The following RGS7 variants were observed in gnomAD, a reference collection of about 807,000 sequenced individuals.
RGS7 encodes the protein regulator of G-protein signaling 7.
RGS7 carries 27 observed loss-of-function variants against 81.1 expected under a neutral mutation model. The ratio of observed to expected loss-of-function variants is 0.33; its 90% CI spans 0.25 to 0.46. The LOEUF (loss-of-function observed/expected upper bound fraction) is 0.46, where lower values mean the gene tolerates loss of function less well. Ranked by LOEUF, RGS7 falls within the 20% of genes least tolerant of loss-of-function variation. The pLI, the probability that RGS7 is intolerant of heterozygous loss-of-function variation, is 1.00. For missense variants in RGS7, 396 were observed against 607.4 expected, an observed-to-expected ratio of 0.65 and a Z score of 3.66; for synonymous variants, 208 against 207.7, an observed-to-expected ratio of 1.00 and a Z score of -0.01.
intron 4 of RGS7, among the ~76,000 whole-genome samples, chr1:240,962,681 C>T (rs1681665195): frequency 6.6e-6 from 1 of 152,098 alleles, no homozygotes. Context: ...ATCTTGGGAG[C>T]TCAGGGAGAT....
At chr1:241,216,084 A>G (rs2074535655) in intron 2 of RGS7, among the ~76,000 whole-genome samples, 1 of 152,042 alleles carries the variant, frequency 6.6e-6, no homozygotes, top group Admixed American at 6.5e-5. Context: ...ATCCTGGCCA[A>G]TATGGTGAAA....
intron 6 of RGS7, among the ~76,000 whole-genome samples, chr1:240,905,190 TA>T (rs933450079): frequency 3.9e-5 from 6 of 152,144 alleles, no homozygotes; most frequent in Non-Finnish European, 7.4e-5. Flanking sequence ...GTGCTTGCCA[TA>T]TTTTTTTAGG....
At chr1:241,293,883 C>T (rs1174693053) in intron 2 of RGS7, among the ~76,000 whole-genome samples, 1 of 152,108 alleles carries the variant, frequency 6.6e-6, no homozygotes, top group Non-Finnish European at 1.5e-5. Flanking sequence ...GACAGTGTGG[C>T]GATTCCTCAA....
At chr1:241,225,115 T>C (rs1407357214) in intron 2 of RGS7, among the ~76,000 whole-genome samples, 1 of 152,216 alleles carries the variant, frequency 6.6e-6, no homozygotes, top group African/African-American at 2.4e-5. Flanking sequence ...GTGGACATTG[T>C]ATCCGTTAAG....
At position 240,873,473 on chromosome 1, in the gene RGS7, C is replaced by T. The variant is rs539808582; in HGVS notation, c.386-3354G>A. ...TAAGTGGGAGAAAGTTTGGGCAGGC[C>T]TGAAGTGCTACTCTGGCTAAGAAAG... On this transcript the variant is annotated intron_variant, in intron 6 of 18. Transcript: ENST00000440928. 2.6e-5 allele frequency among the ~76,000 whole-genome samples: 4 copies of T among 152,124 alleles called. No individual in the cohort carries two copies. The South Asian group carries it at 8.3e-4, about 32-fold the overall frequency.
At chr1:241,354,476 C>T (rs555359811) in intron 2 of RGS7, among the ~76,000 whole-genome samples, 1 of 152,270 alleles carries the variant, frequency 6.6e-6, no homozygotes, top group South Asian at 2.1e-4. Flanking sequence ...GTACTGTTCG[C>T]CCAGGCTAGA....
At chr1:241,070,362 G>C (rs1385489816) in intron 3 of RGS7, among the ~76,000 whole-genome samples, 1 of 148,826 alleles carries the variant, frequency 6.7e-6, no homozygotes, top group Non-Finnish European at 1.5e-5. Context: ...GAAGTCATTC[G>C]ATTATGCTAA....
intron 2 of RGS7, among the ~76,000 whole-genome samples, chr1:241,281,930 T>C (rs2078537982): frequency 1.3e-5 from 2 of 152,358 alleles, no homozygotes; most frequent in Middle Eastern, 6.8e-3. Context: ...CAACTACTTA[T>C]GTTATCAGTA....
At chr1:241,136,450 G>C (rs1285803100) in intron 2 of RGS7, among the ~76,000 whole-genome samples, 3 of 152,148 alleles carry the variant, frequency 2.0e-5, no homozygotes, top group Non-Finnish European at 4.4e-5. Flanking sequence ...GGAGATAAGG[G>C]GGGGGATGTT....
chr1:240,975,370 C>T lies in RGS7; in HGVS notation c.226+7709G>A, dbSNP rs138049605. Among the ~76,000 whole-genome samples the T allele has an allele frequency of 8.5e-4, 129 of 152,206 alleles. 1 individual carries two copies. Among genetic ancestry groups the T allele is most frequent in the African/African-American group, 2.8e-3 (115 of 41,558 alleles). The stretch of plus-strand genomic sequence containing the variant: ...CAAGCCAAGATCATGCCACTTCACT[C>T]CAGCCTGGGCAACAGAGCAAGACTT... On this transcript the variant is annotated intron_variant, in intron 4 of 18. Coordinates refer to ENST00000440928, the MANE Select transcript of RGS7 (RefSeq NM_001364886.1).
intron 6 of RGS7, among the ~76,000 whole-genome samples, chr1:240,925,089 G>T (rs1013876795): frequency 6.6e-6 from 1 of 151,970 alleles, no homozygotes; most frequent in Admixed American, 6.6e-5. Flanking sequence ...TAAAGACATT[G>T]TTCCATTTGT....
intron 2 of RGS7, among the ~76,000 whole-genome samples, chr1:241,147,795 T>TATATATATATATATGTAAGA (rs2068443404): frequency 8.6e-6 from 1 of 115,712 alleles, no homozygotes; most frequent in Non-Finnish European, 1.7e-5. Flanking sequence ...TATATATATA[T>TATATATATATATATGTAAGA]ATATATATAT....
At chr1:240,834,801 G>A (rs1000809635) in intron 9 of RGS7, among the ~76,000 whole-genome samples, 10 of 152,014 alleles carry the variant, frequency 6.6e-5, no homozygotes, top group Admixed American at 6.6e-5. Flanking sequence ...TTGAGCCACC[G>A]CGCCCAGCCC....
At chr1:241,079,486 G>T (rs2063016015) in intron 3 of RGS7, among the ~76,000 whole-genome samples, 1 of 152,120 alleles carries the variant, frequency 6.6e-6, no homozygotes, top group Non-Finnish European at 1.5e-5. Flanking sequence ...TGCAAGAAAA[G>T]GAATGATTAA....
At chr1:241,316,654 G>A (rs73123972) in intron 2 of RGS7, among the ~76,000 whole-genome samples, 4,485 of 152,078 alleles carry the variant, frequency 0.029, 236 homozygotes, top group African/African-American at 0.1. Flanking sequence ...TGGTGAAGAC[G>A]GTTTACTAGT....
chr1:241,327,094 GAAAGAA>G (rs1455189917), intron 2 of RGS7, among the ~76,000 whole-genome samples: 7 of 61,306 alleles, frequency 1.1e-4, no homozygotes, highest in African/African-American at 5.0e-4. Flanking sequence ...AAGAAAGAAA[GAAAGAA>G]AGAAAGAAAG....
chr1:241,350,311 A>C (rs1255179944), intron 2 of RGS7, among the ~76,000 whole-genome samples: 1 of 152,176 alleles, frequency 6.6e-6, no homozygotes, highest in East Asian at 1.9e-4. Flanking sequence ...ACAGATCTGA[A>C]TATGTTTAGG....
At chr1:241,070,210 G>T (rs935756017) in intron 3 of RGS7, among the ~76,000 whole-genome samples, 5 of 151,716 alleles carry the variant, frequency 3.3e-5, no homozygotes, top group African/African-American at 1.2e-4. Context: ...AGCAGAGCTG[G>T]TTATTTTCGT....
intron 2 of RGS7, among the ~76,000 whole-genome samples, chr1:241,101,451 A>T (rs773330056): frequency 2.0e-5 from 3 of 151,994 alleles, no homozygotes; most frequent in Non-Finnish European, 2.9e-5. Context: ...AGCCGAGATC[A>T]TACCACTGCC....
Sources: gnomAD v4.1 joint callset for allele counts (sites outside exome capture counted in the v4.1 genomes callset) on GRCh38, gnomAD v4.1.1 for gene constraint, MANE v1.5 for transcripts, NCBI Gene and HGNC (gene_info 2026-07-23, HGNC 2026-07-21) for gene names.